EXOC4: variants seen among roughly 807,000 people sequenced by gnomAD.
EXOC4 encodes the protein SEC8-like 1.
In EXOC4, 71 loss-of-function variants were observed where a neutral mutation model predicts 107.2. The ratio of observed to expected loss-of-function variants is 0.66; its 90% CI spans 0.55 to 0.81. EXOC4 has a LOEUF of 0.81. EXOC4 is among the 30% of genes least tolerant of loss of function. EXOC4 has a pLI of 0.00. For synonymous variants in EXOC4, 456 were observed against 441.2 expected (o/e 1.03, Z -0.42); for missense variants, 1,108 against 1,189.6 (o/e 0.93, Z 1.01).
intron 11 of EXOC4, among the ~76,000 whole-genome samples, chr7:133,852,855 C>G (rs1023151294): frequency 2.0e-5 from 3 of 152,142 alleles, no homozygotes. Context: ...AAAATCCATC[C>G]TTAAAATTCA....
At chr7:133,931,987 C>A (rs1380453399) in intron 13 of EXOC4, among the ~76,000 whole-genome samples, 1 of 152,204 alleles carries the variant, frequency 6.6e-6, no homozygotes, top group Non-Finnish European at 1.5e-5. Flanking sequence ...AAGAACACAG[C>A]ACATAAACCA....
At chr7:133,606,522 T>A (rs1386759075) in intron 9 of EXOC4, among the ~76,000 whole-genome samples, 10 of 143,028 alleles carry the variant, frequency 7.0e-5, no homozygotes, top group African/African-American at 2.6e-4. Flanking sequence ...TTATTATTTT[T>A]TTTTTTTTTT....
intron 9 of EXOC4, among the ~76,000 whole-genome samples, chr7:133,559,393 A>G (rs1800765670): frequency 6.6e-6 from 1 of 152,138 alleles, no homozygotes; most frequent in South Asian, 2.1e-4. Flanking sequence ...TCTGTATTAC[A>G]TCTAGGCCTT....
the EXOC4 span, among the ~76,000 whole-genome samples, chr7:134,092,922 C>CAAAAAAAAAAAA: frequency 9.3e-4 from 75 of 80,300 alleles, no homozygotes; most frequent in Middle Eastern, 8.8e-3. Flanking sequence ...GACTCCATCT[C>CAAAAAAAAAAAA]AAAAAAAAAA....
chr7:133,333,619 A>G (rs760103680), intron 5 of EXOC4, among the ~76,000 whole-genome samples: 1 of 148,952 alleles, frequency 6.7e-6, no homozygotes, highest in Non-Finnish European at 1.5e-5. Flanking sequence ...AGACAGAAAC[A>G]TATACATCTA....
intron 7 of EXOC4, among the ~76,000 whole-genome samples, chr7:133,446,263 C>G (rs540485361): frequency 3.9e-5 from 6 of 152,252 alleles, no homozygotes; most frequent in South Asian, 4.1e-4. Context: ...TAATTACAAC[C>G]AAAACCTCTC....
At chr7:133,568,331 T>G (rs1800950452) in intron 9 of EXOC4, among the ~76,000 whole-genome samples, 2 of 152,100 alleles carry the variant, frequency 1.3e-5, no homozygotes, top group Admixed American at 1.3e-4. Context: ...TTAGCATAAT[T>G]TTTGCCATGC....
chr7:133,969,687 T>A (rs1413000693), intron 14 of EXOC4, among the ~76,000 whole-genome samples: 1 of 152,212 alleles, frequency 6.6e-6, no homozygotes, highest in Non-Finnish European at 1.5e-5. Flanking sequence ...CAGCAAAGAT[T>A]GCTGCCTGTT....
intron 1 of EXOC4, among the ~76,000 whole-genome samples, chr7:133,256,946 A>G (rs1795032400): frequency 6.6e-6 from 1 of 152,254 alleles, no homozygotes; most frequent in Non-Finnish European, 1.5e-5. Context: ...AGCCAAAAAT[A>G]AAGATGAAGT....
intron 10 of EXOC4, among the ~76,000 whole-genome samples, chr7:133,649,481 T>TC (rs1562891237): frequency 8.4e-6 from 1 of 119,602 alleles, no homozygotes; most frequent in Non-Finnish European, 1.8e-5. Flanking sequence ...TTTTTTTTTT[T>TC]TTTTAACCAG....
intron 5 of EXOC4, among the ~76,000 whole-genome samples, chr7:133,348,662 G>A (rs1359590253): frequency 2.6e-5 from 4 of 152,162 alleles, no homozygotes; most frequent in Admixed American, 6.5e-5. Context: ...CAAACATGCT[G>A]AATTTAGTTG....
At chr7:133,576,922 C>T (rs1421268331) in intron 9 of EXOC4, 2 of 1,215,154 alleles carry the variant, frequency 1.6e-6, no homozygotes, top group African/African-American at 3.1e-5. Context: ...CTTTCCAGAT[C>T]TCTTATTCAC....
chr7:133,457,123 T>A (rs1798481155), intron 7 of EXOC4, among the ~76,000 whole-genome samples: 1 of 152,156 alleles, frequency 6.6e-6, no homozygotes, highest in African/African-American at 2.4e-5. Flanking sequence ...GAAAGGTGGT[T>A]GAATTTGATT....
At position 134,064,966 on chromosome 7, in the gene EXOC4, C is replaced by T. The variant is rs1253194278; in HGVS notation, c.*438C>T. ...CATAAACAGTAGGGTTTTTCCTCTC[C>T]TGACCTTATCCGTTTACAGTTCAAT... On this transcript the variant is annotated 3_prime_UTR_variant, in exon 18 of 18. Transcript: ENST00000253861. 6.5e-6 allele frequency: 1 copy of T among 152,778 alleles called. No homozygotes were observed. Among genetic ancestry groups the T allele is most frequent in the African/African-American group, 2.4e-5 (1 of 41,446 alleles). 9.5% of individuals were successfully genotyped at this position (152,778 alleles called of 1,614,324 possible).
At chr7:133,267,016 A>G (rs916587255) in intron 1 of EXOC4, among the ~76,000 whole-genome samples, 7 of 152,144 alleles carry the variant, frequency 4.6e-5, no homozygotes, top group Non-Finnish European at 7.3e-5. Flanking sequence ...TGATCTGCAT[A>G]GTTGTCTTTT....
intron 10 of EXOC4, among the ~76,000 whole-genome samples, chr7:133,638,573 G>T (rs139085210): frequency 6.6e-6 from 1 of 152,210 alleles, no homozygotes; most frequent in South Asian, 2.1e-4. Context: ...GTTGTTAGAC[G>T]AATGCCACCC....
intron 7 of EXOC4, among the ~76,000 whole-genome samples, chr7:133,377,029 T>C (rs900056632): frequency 6.6e-6 from 1 of 152,230 alleles, no homozygotes; most frequent in East Asian, 1.9e-4. Flanking sequence ...TTAACCAGAA[T>C]GAAAAAGTTG....
chr7:133,768,695 T>A (rs1314040919), intron 10 of EXOC4, among the ~76,000 whole-genome samples: 1 of 151,956 alleles, frequency 6.6e-6, no homozygotes, highest in Non-Finnish European at 1.5e-5. Flanking sequence ...AATTTGTTGC[T>A]GAATTTAGGA....
At chr7:133,867,160 G>A (rs1275423239) in intron 11 of EXOC4, among the ~76,000 whole-genome samples, 1 of 152,190 alleles carries the variant, frequency 6.6e-6, no homozygotes, top group Non-Finnish European at 1.5e-5. Flanking sequence ...AGATTGTCAG[G>A]GTTCAAGCCC....
Sources: gnomAD v4.1 joint callset for allele counts (sites outside exome capture counted in the v4.1 genomes callset) on GRCh38, gnomAD v4.1.1 for gene constraint, MANE v1.5 for transcripts, NCBI Gene and HGNC (gene_info 2026-07-23, HGNC 2026-07-21) for gene names.